The following MAP4K5 variants were observed in gnomAD, a reference collection of about 807,000 sequenced individuals.
MAP4K5 encodes MAPK/ERK kinase kinase kinase 5.
A neutral mutation model predicts 135.6 loss-of-function variants in MAP4K5; 82 were observed. The observed-to-expected ratio is 0.60, with a 90% CI of 0.51 to 0.73. The LOEUF (loss-of-function observed/expected upper bound fraction) is 0.73. MAP4K5 is among the 30% of genes least tolerant of loss of function. The pLI is 0.00. For synonymous variants in MAP4K5, 347 were observed against 335.0 expected, an observed-to-expected ratio of 1.04 and a Z score of -0.39; for missense variants, 907 against 1,010.9, an observed-to-expected ratio of 0.90 and a Z score of 1.39.
chr14:50,526,913 C>T (rs2038277462), intron 2 of MAP4K5, among the ~76,000 whole-genome samples: 1 of 152,032 alleles, frequency 6.6e-6, no homozygotes, highest in Admixed American at 6.6e-5. Flanking sequence ...AGTGATAAGA[C>T]TACATGACAA....
At chr14:50,438,995 A>C (rs1324959130) in intron 23 of MAP4K5, among the ~76,000 whole-genome samples, 1 of 152,128 alleles carries the variant, frequency 6.6e-6, no homozygotes, top group Non-Finnish European at 1.5e-5. Flanking sequence ...ACTCAAACAG[A>C]ATTGGCTTTA....
chr14:50,516,081 A>G (rs2038028056), intron 2 of MAP4K5, among the ~76,000 whole-genome samples: 1 of 152,256 alleles, frequency 6.6e-6, no homozygotes, highest in African/African-American at 2.4e-5. Flanking sequence ...CACATCTGAC[A>G]TATCAGCAAA....
upstream of MAP4K5, among the ~76,000 whole-genome samples, chr14:50,537,114 C>T (rs187892735): frequency 3.1e-4 from 47 of 152,310 alleles, no homozygotes; most frequent in African/African-American, 9.4e-4. Context: ...AAAGTGGTTT[C>T]GTTGGCTAGG....
At chr14:50,551,882 A>G (rs1205951230) in intron 1 of MAP4K5, among the ~76,000 whole-genome samples, 1 of 152,218 alleles carries the variant, frequency 6.6e-6, no homozygotes, top group Non-Finnish European at 1.5e-5. Context: ...AAAGCCATCT[A>G]TGACACACCA....
At chr14:50,454,248 C>T (rs1209732504) in intron 14 of MAP4K5, among the ~76,000 whole-genome samples, 9 of 152,120 alleles carry the variant, frequency 5.9e-5, no homozygotes, top group Admixed American at 3.9e-4. Flanking sequence ...AATAGTAATT[C>T]GCCTGGGCGG....
intron 15 of MAP4K5, among the ~76,000 whole-genome samples, chr14:50,447,791 T>A (rs2036389561): frequency 6.6e-6 from 1 of 152,206 alleles, no homozygotes; most frequent in Admixed American, 6.5e-5. Flanking sequence ...ATCTACATCA[T>A]CACTCCATTA....
At chr14:50,430,135 T>C (rs756498576) in intron 28 of MAP4K5, among the ~76,000 whole-genome samples, 51 of 150,872 alleles carry the variant, frequency 3.4e-4, no homozygotes, top group African/African-American at 8.2e-4. Flanking sequence ...CACACACACA[T>C]ATATATATAT....
At position 50,479,957 on chromosome 14, in the gene MAP4K5, A is replaced by G. The variant is rs140276203; in HGVS notation, c.378+2404T>C. On this transcript the variant is annotated intron_variant, in intron 6 of 32. Coordinates refer to ENST00000682126, the MANE Select transcript of MAP4K5 (RefSeq NM_006575.6). ...GTTTGTTTCCTATTTTTCAGGCCTC[A>G]TTGTCCTTCATTACCTGATGTTCAG... is the stretch of plus-strand genomic sequence containing the variant. 5.4e-3 allele frequency among the ~76,000 whole-genome samples: 825 copies of G among 152,134 alleles called. 6 individuals carry two copies. The highest frequency in any genetic ancestry group is 8.2e-3 in the Non-Finnish European group (557 of 67,996).
chr14:50,560,818 A>T (rs1036533053), intron 1 of MAP4K5, among the ~76,000 whole-genome samples: 2 of 152,064 alleles, frequency 1.3e-5, no homozygotes, highest in Admixed American at 1.3e-4. Context: ...AATGAGGCGG[A>T]GCGCGCCGGG....
chr14:50,538,539 C>T (rs570448741), intron 2 of MAP4K5, among the ~76,000 whole-genome samples: 16 of 152,300 alleles, frequency 1.1e-4, no homozygotes, highest in Middle Eastern at 3.4e-3. Context: ...TAATCTTACA[C>T]TGTTCCTTAT....
chr14:50,445,108 T>A lies in MAP4K5; in HGVS notation c.1272A>T (p.Arg424Ser). The A allele has an allele frequency of 1.9e-6, 3 of 1,613,742 alleles. No individual in the cohort carries two copies. The South Asian group carries it at 3.3e-5, about 18-fold the overall frequency. Reference protein sequence around the residue: ...TIKHCPDSESRAPQILRRQSS... With the variant: ...TIKHCPDSESSAPQILRRQSS... The stretch of plus-strand genomic sequence containing the variant: ...TCTGTCTTCTGAGAATTTGGGGAGC[T>A]CTGCTTTCTGAATCAGGACAATGTT... The change falls in exon 18 of 33, where the codon AGA becomes AGT. Residue 424 changes from arginine to serine, a missense_variant. Coordinates refer to ENST00000682126, the MANE Select transcript of MAP4K5 (RefSeq NM_006575.6).
chr14:50,560,279 G>A, intron 1 of MAP4K5: 1 of 1,613,968 alleles, frequency 6.2e-7, no homozygotes, highest in Non-Finnish European at 8.5e-7. Flanking sequence ...GCCAAGAACC[G>A]CAGGGACAGA....
At chr14:50,429,346 C>A in intron 28 of MAP4K5, 86 bp from the exon 29 acceptor site, 1 of 753,046 alleles carries the variant, frequency 1.3e-6, no homozygotes, top group South Asian at 1.8e-5. Flanking sequence ...TTTGCTGTGA[C>A]TTAAAATTGA....
intron 3 of MAP4K5, among the ~76,000 whole-genome samples, chr14:50,503,339 T>G (rs1366685691): frequency 2.6e-5 from 4 of 152,086 alleles, no homozygotes; most frequent in African/African-American, 9.7e-5. Context: ...GGGGGACAGG[T>G]TGAAATATTA....
At chr14:50,438,141 A>G (rs1451526392) in intron 23 of MAP4K5, 47 bp from the exon 24 acceptor site, 2 of 709,358 alleles carry the variant, frequency 2.8e-6, no homozygotes, top group African/African-American at 3.5e-5. Flanking sequence ...CAAAATAGAA[A>G]AACACACACA....
At chr14:50,423,617 A>T (rs1228253252) in intron 31 of MAP4K5, among the ~76,000 whole-genome samples, 1 of 151,992 alleles carries the variant, frequency 6.6e-6, no homozygotes, top group African/African-American at 2.4e-5. Context: ...GTATTTAAAA[A>T]TTTTACCTGG....
chr14:50,465,987 T>C (rs774913394), intron 11 of MAP4K5, among the ~76,000 whole-genome samples: 3 of 152,054 alleles, frequency 2.0e-5, no homozygotes, highest in Non-Finnish European at 4.4e-5. Context: ...GACAGGAGAA[T>C]CACTCGAACC....
At chr14:50,522,140 T>C (rs2038165426) in intron 2 of MAP4K5, among the ~76,000 whole-genome samples, 1 of 152,140 alleles carries the variant, frequency 6.6e-6, no homozygotes, top group African/African-American at 2.4e-5. Flanking sequence ...TTTGTCTTCA[T>C]AAAATACACT....
chr14:50,448,276 T>C (rs900158082), intron 15 of MAP4K5, among the ~76,000 whole-genome samples: 10 of 152,114 alleles, frequency 6.6e-5, no homozygotes, highest in Admixed American at 2.6e-4. Context: ...CAGCCTCCCA[T>C]AGTACTGAGA....
Sources: allele counts gnomAD v4.1 joint callset (sites outside exome capture counted in the v4.1 genomes callset), GRCh38; gene constraint gnomAD v4.1.1; transcripts MANE v1.5; gene names NCBI Gene and HGNC (gene_info 2026-07-23, HGNC 2026-07-21).